OPRM1: variants seen among roughly 807,000 people sequenced by gnomAD.
OPRM1 encodes opioid receptor mu 1.
A neutral mutation model predicts 31.8 loss-of-function variants in OPRM1; 27 were observed. The ratio of observed to expected loss-of-function variants is 0.85; its 90% CI spans 0.63 to 1.17. The LOEUF (loss-of-function observed/expected upper bound fraction) is 1.17. Among genes scored for constraint, OPRM1 ranks in the 50% most tolerant of loss-of-function variants. The probability of loss-of-function intolerance (pLI) is 0.00; values close to 1 mark genes in which losing one functional copy is unlikely to be tolerated. For synonymous variants in OPRM1, 196 were observed against 189.9 expected, an observed-to-expected ratio of 1.03 and a Z score of -0.26; for missense variants, 536 against 511.1, an observed-to-expected ratio of 1.05 and a Z score of -0.47.
intron 3 of OPRM1, among the ~76,000 whole-genome samples, chr6:154,229,376 G>C (rs1779531542): frequency 1.5e-5 from 2 of 134,324 alleles, no homozygotes; most frequent in Non-Finnish European, 3.1e-5. Flanking sequence ...TTGAGACGGA[G>C]TCTCTCTCTG....
intron 3 of OPRM1, among the ~76,000 whole-genome samples, chr6:154,197,956 G>T (rs970257657): frequency 1.3e-5 from 2 of 152,064 alleles, no homozygotes; most frequent in Non-Finnish European, 2.9e-5. Context: ...TCCTATATCT[G>T]GAAGTCTCTT....
At chr6:154,085,913 T>C (rs915360597) in intron 1 of OPRM1, among the ~76,000 whole-genome samples, 1 of 149,884 alleles carries the variant, frequency 6.7e-6, no homozygotes, top group Non-Finnish European at 1.5e-5. Context: ...TTTGAGACAG[T>C]GTCTCTCTCT....
Position 154,128,532 on chromosome 6 carries a change from C to A in OPRM1, c.*9811C>A, listed in dbSNP as rs1214858037. Among the ~76,000 whole-genome samples the A allele has an allele frequency of 6.6e-6, 1 of 152,168 alleles. No individual in the cohort carries two copies. Among genetic ancestry groups the A allele is most frequent in the African/African-American group, 2.4e-5 (1 of 41,428 alleles). ...ATGTTGCCCCATGAATGTGCACATG[C>A]ATATTAAAATATGGGCACCTCTTTT... is the stretch of plus-strand genomic sequence containing the variant. On this transcript the variant is annotated 3_prime_UTR_variant, in exon 4 of 4. Transcript: ENST00000330432.
chr6:154,091,675 A>G (rs571034528), intron 3 of OPRM1: 24 of 1,349,646 alleles, frequency 1.8e-5, no homozygotes, highest in Non-Finnish European at 2.3e-5. Context: ...ATTTAGGTAT[A>G]AAGATACACC....
intron 1 of OPRM1, among the ~76,000 whole-genome samples, chr6:154,059,575 T>C (rs1784001808): frequency 6.7e-6 from 1 of 149,708 alleles, no homozygotes; most frequent in Non-Finnish European, 1.5e-5. Flanking sequence ...CATGATCCTT[T>C]TTTACACTTA....
intron 3 of OPRM1, among the ~76,000 whole-genome samples, chr6:154,171,928 A>C (rs1041977588): frequency 2.6e-5 from 4 of 152,214 alleles, no homozygotes; most frequent in Non-Finnish European, 5.9e-5. Context: ...TTTCAATACC[A>C]CAGTATTTTT....
chr6:154,055,462 C>T (rs1021038114), intron 1 of OPRM1, among the ~76,000 whole-genome samples: 1 of 152,060 alleles, frequency 6.6e-6, no homozygotes, highest in African/African-American at 2.4e-5. Flanking sequence ...TTCTTCCCTC[C>T]CACTGCACTC....
rs917728327 is a variant in OPRM1, at chr6:154,123,470, A to G, written c.*4749A>G. Among the ~76,000 whole-genome samples, 5 of 152,144 alleles carry G rather than the reference A, an allele frequency of 3.3e-5. No individual in the cohort carries two copies. Among genetic ancestry groups the G allele is most frequent in the Non-Finnish European group, 7.4e-5 (5 of 68,014 alleles). ...TTTCAGGCAGCCTGCTTCTCCGAGG[A>G]CTAGTCTTAGCTGTTTACCTAACTG... is the stretch of plus-strand genomic sequence containing the variant. On this transcript the variant is annotated 3_prime_UTR_variant, in exon 4 of 4. Transcript: ENST00000330432.
At chr6:154,226,150 A>T (rs949631591) in intron 3 of OPRM1, among the ~76,000 whole-genome samples, 2 of 152,138 alleles carry the variant, frequency 1.3e-5, no homozygotes, top group Non-Finnish European at 2.9e-5. Flanking sequence ...TTTTTGTTCC[A>T]AAACTCTCTA....
At chr6:154,072,636 T>C (rs1277753134) in intron 1 of OPRM1, among the ~76,000 whole-genome samples, 1 of 152,254 alleles carries the variant, frequency 6.6e-6, no homozygotes, top group African/African-American at 2.4e-5. Flanking sequence ...CAGTCATACA[T>C]TAGTTTATGA....
intron 3 of OPRM1, chr6:154,158,893 CT>C (rs1321789630): frequency 6.6e-6 from 1 of 152,112 alleles, no homozygotes; most frequent in African/African-American, 2.4e-5. Flanking sequence ...TCTTTTGTTG[CT>C]TCCATGGGTT....
At chr6:154,142,484 T>A (rs1480698999) in intron 3 of OPRM1, among the ~76,000 whole-genome samples, 1 of 152,114 alleles carries the variant, frequency 6.6e-6, no homozygotes, top group Non-Finnish European at 1.5e-5. Flanking sequence ...TGTGTACTCT[T>A]GTCGCCCTGG....
chr6:154,129,637 T>C lies in OPRM1; in HGVS notation c.*10916T>C, dbSNP rs1328362116. 1.3e-5 allele frequency among the ~76,000 whole-genome samples: 2 copies of C among 152,178 alleles called. No homozygotes were observed. The highest frequency in any genetic ancestry group is 4.8e-5 in the African/African-American group (2 of 41,426). On this transcript the variant is annotated 3_prime_UTR_variant, in exon 4 of 4. Coordinates refer to ENST00000330432, the MANE Select transcript of OPRM1 (RefSeq NM_000914.5). ...TTTAGTTCTCATAAGAACATCTACA[T>C]TCATTTGAAAAATAGTTCTATATCT...
intron 3 of OPRM1, among the ~76,000 whole-genome samples, chr6:154,246,142 G>A (rs1781024160): frequency 6.6e-6 from 1 of 152,126 alleles, no homozygotes; most frequent in Non-Finnish European, 1.5e-5. Context: ...AGAAAGTAAA[G>A]GAGGAGAAAT....
At chr6:154,037,625 T>G (rs1779390206), upstream of OPRM1, among the ~76,000 whole-genome samples, 1 of 152,102 alleles carries the variant, frequency 6.6e-6, no homozygotes, top group Non-Finnish European at 1.5e-5. Flanking sequence ...AAAACTCAGT[T>G]GATTTCAAAT....
chr6:154,166,812 C>G (rs893002838), intron 3 of OPRM1, among the ~76,000 whole-genome samples: 30 of 152,168 alleles, frequency 2.0e-4, no homozygotes, highest in Non-Finnish European at 3.5e-4. Flanking sequence ...TGACATATTA[C>G]ATTGAATAAT....
intron 3 of OPRM1, among the ~76,000 whole-genome samples, chr6:154,142,028 C>T (rs1429151295): frequency 1.3e-5 from 2 of 152,204 alleles, no homozygotes; most frequent in African/African-American, 4.8e-5. Flanking sequence ...GATTTCTCCT[C>T]TCCAGAGTGC....
intron 1 of OPRM1, among the ~76,000 whole-genome samples, chr6:154,043,225 T>C (rs948612681): frequency 2.6e-5 from 4 of 152,158 alleles, no homozygotes; most frequent in Admixed American, 6.5e-5. Context: ...TACCTTCATT[T>C]TTAAGATTAT....
intron 3 of OPRM1, among the ~76,000 whole-genome samples, chr6:154,170,132 C>G (rs534636051): frequency 6.6e-6 from 1 of 152,286 alleles, no homozygotes; most frequent in African/African-American, 2.4e-5. Flanking sequence ...AATCTTCATC[C>G]TTTGATGTTG....
Sources: gnomAD v4.1 joint callset for allele counts (sites outside exome capture counted in the v4.1 genomes callset) on GRCh38, gnomAD v4.1.1 for gene constraint, MANE v1.5 for transcripts, NCBI Gene and HGNC (gene_info 2026-07-23, HGNC 2026-07-21) for gene names.